Variants in ALK observed in about 807,000 individuals in gnomAD.
ALK encodes ALK tyrosine kinase receptor.
A neutral mutation model predicts 163.1 loss-of-function variants in ALK; 74 were observed. The ratio of observed to expected loss-of-function variants is 0.45; its 90% CI spans 0.38 to 0.55. ALK has a LOEUF of 0.55. ALK is among the 20% of genes least tolerant of loss of function. ALK has a pLI of 0.00. For missense variants in ALK, 2,063 were observed against 2,105.3 expected (o/e 0.98, Z 0.39); for synonymous variants, 960 against 843.2 (o/e 1.14, Z -2.40).
intron 4 of ALK, among the ~76,000 whole-genome samples, chr2:29,503,859 G>A (rs950499556): frequency 2.6e-5 from 4 of 151,984 alleles, no homozygotes; most frequent in Non-Finnish European, 4.4e-5. Flanking sequence ...CTGTGTTACT[G>A]TGGATATAAT....
intron 2 of ALK, among the ~76,000 whole-genome samples, chr2:29,715,447 C>T (rs1679220784): frequency 6.6e-6 from 1 of 152,118 alleles, no homozygotes; most frequent in Non-Finnish European, 1.5e-5. Context: ...GCCATTTCAC[C>T]CTCATTTTAC....
At chr2:29,852,830 CTTTCT>C (rs1666033041) in intron 1 of ALK, among the ~76,000 whole-genome samples, 1 of 30,560 alleles carries the variant, frequency 3.3e-5, no homozygotes, top group South Asian at 4.4e-3. Flanking sequence ...AAGACCAGAG[CTTTCT>C]CTCTCTCTCT....
intron 3 of ALK, among the ~76,000 whole-genome samples, chr2:29,667,533 A>C (rs527255941): frequency 5.3e-5 from 8 of 152,122 alleles, no homozygotes; most frequent in Admixed American, 3.3e-4. Flanking sequence ...AAGAGACATT[A>C]AATTTTATCA....
intron 1 of ALK, among the ~76,000 whole-genome samples, chr2:29,775,396 A>C (rs1681144314): frequency 6.6e-6 from 1 of 152,226 alleles, no homozygotes; most frequent in South Asian, 2.1e-4. Context: ...GGAGATTGTC[A>C]TGCCACCAGG....
At chr2:29,325,136 A>AACT in intron 6 of ALK, among the ~76,000 whole-genome samples, 1 of 152,150 alleles carries the variant, frequency 6.6e-6, no homozygotes, top group Non-Finnish European at 1.5e-5. Context: ...TCCAAATTCC[A>AACT]ACCATGGCAG....
chr2:29,225,414 C>A (rs2148176180), intron 19 of ALK, 47 bp downstream of exon 19: 1 of 1,499,414 alleles, frequency 6.7e-7, no homozygotes, highest in Non-Finnish European at 9.2e-7. Flanking sequence ...ACTATTCAGT[C>A]CTGCCTTCCT....
intron 1 of ALK, among the ~76,000 whole-genome samples, chr2:29,807,336 G>C (rs1664646146): frequency 1.3e-5 from 2 of 152,220 alleles, no homozygotes; most frequent in Admixed American, 6.5e-5. Context: ...AACCATAGCG[G>C]TGTGAGTCTT....
At chr2:29,482,436 C>A (rs1290270107) in intron 4 of ALK, among the ~76,000 whole-genome samples, 1 of 152,086 alleles carries the variant, frequency 6.6e-6, no homozygotes, top group African/African-American at 2.4e-5. Flanking sequence ...GATGCCTATG[C>A]CTACATCTGA....
At chr2:29,660,909 G>C (rs1225293763) in intron 3 of ALK, among the ~76,000 whole-genome samples, 2 of 152,052 alleles carry the variant, frequency 1.3e-5, no homozygotes, top group Admixed American at 1.3e-4. Flanking sequence ...ATAGAAGAAG[G>C]AGACCACACA....
At chr2:29,868,660 G>C (rs1441909299) in intron 1 of ALK, among the ~76,000 whole-genome samples, 1 of 152,140 alleles carries the variant, frequency 6.6e-6, no homozygotes, top group African/African-American at 2.4e-5. Flanking sequence ...CTCTAATCCA[G>C]CTTGCCAAAT....
At chr2:29,904,375 T>C (rs375156366) in intron 1 of ALK, among the ~76,000 whole-genome samples, 1 of 152,164 alleles carries the variant, frequency 6.6e-6, no homozygotes, top group East Asian at 1.9e-4. Context: ...ATCTAAAGAA[T>C]TATATTGTGA....
intron 24 of ALK, among the ~76,000 whole-genome samples, chr2:29,211,792 G>A (rs1361633918): frequency 8.1e-6 from 1 of 123,404 alleles, no homozygotes; most frequent in African/African-American, 2.8e-5. Context: ...TCTGCCAGAA[G>A]TTTTCTTTTG....
At chr2:29,510,345 T>G (rs1672476807) in intron 4 of ALK, among the ~76,000 whole-genome samples, 1 of 152,206 alleles carries the variant, frequency 6.6e-6, no homozygotes, top group Non-Finnish European at 1.5e-5. Flanking sequence ...TTGAAGGAAT[T>G]AATCAATGAA....
chr2:29,862,332 G>C (rs1666316938), intron 1 of ALK, among the ~76,000 whole-genome samples: 1 of 152,032 alleles, frequency 6.6e-6, no homozygotes, highest in African/African-American at 2.4e-5. Context: ...GAAAGGGTCT[G>C]AACAGGAAAA....
Position 29,328,487 on chromosome 2 carries a change from G to A in ALK, c.1283-6C>T. On this transcript the variant is annotated splice_polypyrimidine_tract_variant and splice_region_variant and intron_variant, in intron 5 of 28. Transcript: ENST00000389048. ...CTTGGAGCCTGGGGATGTTCCTGGA[G>A]AGCACACAGACACACAACCATGGTA... 1.2e-6 allele frequency: 2 copies of A among 1,614,140 alleles called. No homozygotes were observed.
intron 3 of ALK, among the ~76,000 whole-genome samples, chr2:29,577,897 A>C (rs575072044): frequency 1.3e-5 from 2 of 152,314 alleles, no homozygotes; most frequent in African/African-American, 4.8e-5. Context: ...CCTCGAAGCC[A>C]GACTGTTTCT....
Position 29,806,847 on chromosome 2 carries a change from C to T in ALK, c.668-89150G>A, listed in dbSNP as rs565347169. ...AGCAAAACAAATGAGTTGCAGAAGA[C>T]GGTCTTAGGTTAGATGGTGGTAAGA... On this transcript the variant is annotated intron_variant, in intron 1 of 28. Transcript: ENST00000389048. Among the ~76,000 whole-genome samples the T allele has an allele frequency of 1.6e-3, 244 of 152,268 alleles. 2 individuals carry two copies. Among genetic ancestry groups the T allele is most frequent in the Middle Eastern group, 6.8e-3 (2 of 294 alleles).
intron 1 of ALK, among the ~76,000 whole-genome samples, chr2:29,877,574 C>A (rs1170509214): frequency 9.9e-5 from 15 of 152,142 alleles, no homozygotes. Context: ...ATTAAGTAAT[C>A]ATTCATTCAT....
chr2:29,301,660 C>T (rs1666374037), intron 8 of ALK, among the ~76,000 whole-genome samples: 1 of 152,200 alleles, frequency 6.6e-6, no homozygotes, highest in South Asian at 2.1e-4. Context: ...TCAGCTGCTC[C>T]CTGGAACTTT....
Sources: allele counts gnomAD v4.1 joint callset (sites outside exome capture counted in the v4.1 genomes callset), GRCh38; gene constraint gnomAD v4.1.1; transcripts MANE v1.5; gene names NCBI Gene and HGNC (gene_info 2026-07-23, HGNC 2026-07-21).